Variants in RAB6B observed in about 807,000 individuals in gnomAD.
RAB6B encodes the protein RAB6B, member RAS oncogene family, also known as ras-related protein Rab-6B.
RAB6B carries 7 observed loss-of-function variants against 31.2 expected under a neutral mutation model. The observed-to-expected ratio is 0.22, with a 90% confidence interval of 0.13 to 0.42. The LOEUF is 0.42. Among genes scored for constraint, RAB6B ranks in the 10% least tolerant of loss-of-function variants. The pLI, the probability that RAB6B is intolerant of heterozygous loss-of-function variation, is 1.00. For missense variants in RAB6B, 149 were observed against 280.6 expected (o/e 0.53, Z 3.35); for synonymous variants, 105 against 104.9 (o/e 1.00, Z -0.01).
At chr3:133,846,672 C>A (rs1026287284) in intron 2 of RAB6B, among the ~76,000 whole-genome samples, 2 of 152,034 alleles carry the variant, frequency 1.3e-5, no homozygotes, top group African/African-American at 2.4e-5. Context: ...AGAGAGAAAA[C>A]CGTAATAGCA....
intron 1 of RAB6B, among the ~76,000 whole-genome samples, chr3:133,889,398 A>T (rs1461025003): frequency 0.04 from 629 of 15,796 alleles, 26 homozygotes; most frequent in Non-Finnish European, 0.065. Flanking sequence ...TTATATATAT[A>T]TATATATATA....
intron 1 of RAB6B, among the ~76,000 whole-genome samples, chr3:133,879,174 T>G (rs1007293036): frequency 2.0e-5 from 3 of 152,202 alleles, no homozygotes; most frequent in Non-Finnish European, 2.9e-5. Flanking sequence ...ATTCAGGGAA[T>G]CTGGGTGAAA....
Position 133,881,152 on chromosome 3 carries a change from G to A in RAB6B, c.70+14245C>T, listed in dbSNP as rs1426873426. Among the ~76,000 whole-genome samples, 3 of 152,214 alleles carry A rather than the reference G, an allele frequency of 2.0e-5. No homozygotes were observed. In the East Asian group the frequency reaches 5.8e-4, roughly 29 times the overall value. ...ACTGGACTTGGATGCTTGGGCACCA[G>A]GGCAAGGAGATGGTGGCCAGGCTCA... is the stretch of plus-strand genomic sequence containing the variant. On this transcript the variant is annotated intron_variant, in intron 1 of 7. Coordinates refer to ENST00000285208, the MANE Select transcript of RAB6B (RefSeq NM_016577.4).
At chr3:133,853,180 T>C (rs780956832) in intron 2 of RAB6B, among the ~76,000 whole-genome samples, 1 of 152,000 alleles carries the variant, frequency 6.6e-6, no homozygotes, top group South Asian at 2.1e-4. Context: ...ACAGGGTACA[T>C]TTCATCTCAA....
At chr3:133,859,790 G>A (rs567751620) in intron 2 of RAB6B, among the ~76,000 whole-genome samples, 2 of 152,350 alleles carry the variant, frequency 1.3e-5, no homozygotes, top group Admixed American at 1.3e-4. Context: ...AAGATCACTG[G>A]GGAGGGGCAG....
At chr3:133,868,218 C>T (rs539375322) in intron 1 of RAB6B, among the ~76,000 whole-genome samples, 2 of 152,278 alleles carry the variant, frequency 1.3e-5, no homozygotes, top group African/African-American at 2.4e-5. Flanking sequence ...AACAACTGCC[C>T]GGGGTGGAAG....
intron 1 of RAB6B, among the ~76,000 whole-genome samples, chr3:133,871,232 T>C (rs376437829): frequency 1.1e-4 from 17 of 152,316 alleles, no homozygotes; most frequent in African/African-American, 2.2e-4. Context: ...AGTGGTGAAG[T>C]GAGACCCAGA....
chr3:133,836,734 G>T (rs1935742264), intron 6 of RAB6B, among the ~76,000 whole-genome samples: 1 of 152,104 alleles, frequency 6.6e-6, no homozygotes, highest in African/African-American at 2.4e-5. Context: ...CCAGGGAGCA[G>T]GAAGGACCAT....
intron 2 of RAB6B, among the ~76,000 whole-genome samples, chr3:133,852,714 A>G (rs1032575352): frequency 6.6e-6 from 1 of 152,156 alleles, no homozygotes; most frequent in African/African-American, 2.4e-5. Flanking sequence ...CCAGGGCACA[A>G]GTGATCCTTC....
intron 2 of RAB6B, among the ~76,000 whole-genome samples, chr3:133,860,951 T>C (rs887826835): frequency 9.9e-5 from 15 of 152,202 alleles, no homozygotes; most frequent in African/African-American, 2.2e-4. Flanking sequence ...CAAAAGGTGA[T>C]GCTAACAGGC....
At chr3:133,890,402 C>T (rs1466773662) in intron 1 of RAB6B, among the ~76,000 whole-genome samples, 1 of 152,056 alleles carries the variant, frequency 6.6e-6, no homozygotes, top group Non-Finnish European at 1.5e-5. Context: ...GTCAGAAGTT[C>T]GAGACCAGCC....
intron 1 of RAB6B, among the ~76,000 whole-genome samples, chr3:133,887,752 A>G (rs1049254486): frequency 6.6e-6 from 1 of 152,088 alleles, no homozygotes; most frequent in Non-Finnish European, 1.5e-5. Context: ...AGAAGGGAGG[A>G]TGTGGCCAGG....
chr3:133,873,307 G>A (rs1412070520), intron 1 of RAB6B, among the ~76,000 whole-genome samples: 1 of 152,336 alleles, frequency 6.6e-6, no homozygotes, highest in East Asian at 1.9e-4. Context: ...GTGGTTGCTG[G>A]GGACATGACG....
At chr3:133,848,572 G>C (rs914909199) in intron 2 of RAB6B, among the ~76,000 whole-genome samples, 6 of 152,194 alleles carry the variant, frequency 3.9e-5, no homozygotes, top group Non-Finnish European at 7.4e-5. Context: ...CATGGCACTG[G>C]TGTCTGGGGA....
Position 133,881,049 on chromosome 3 carries a change from G to A in RAB6B, c.70+14348C>T, listed in dbSNP as rs375809028. Among the ~76,000 whole-genome samples the A allele has an allele frequency of 7.9e-5, 12 of 152,346 alleles. No individual in the cohort carries two copies. The South Asian group carries it at 1.0e-3, about 13-fold the overall frequency. Reference sequence around the variant, plus strand: ...CTAGCCCTTATGGACTGAGACTGCTGGTCAGGCATTAGGGTCAACAAAGGG... The same window carrying A: ...CTAGCCCTTATGGACTGAGACTGCTAGTCAGGCATTAGGGTCAACAAAGGG... On this transcript the variant is annotated intron_variant, in intron 1 of 7. Transcript: ENST00000285208.
chr3:133,849,949 C>T (rs1935955031), intron 2 of RAB6B, among the ~76,000 whole-genome samples: 1 of 152,136 alleles, frequency 6.6e-6, no homozygotes, highest in South Asian at 2.1e-4. Flanking sequence ...TCAAATAAGG[C>T]ACAAACAGTC....
At chr3:133,867,981 C>T (rs1482463150) in intron 1 of RAB6B, among the ~76,000 whole-genome samples, 1 of 152,182 alleles carries the variant, frequency 6.6e-6, no homozygotes, top group African/African-American at 2.4e-5. Context: ...ATGTGTGTTA[C>T]ACCCCTGCAG....
At chr3:133,890,576 T>TA (rs992800956) in intron 1 of RAB6B, among the ~76,000 whole-genome samples, 7 of 152,036 alleles carry the variant, frequency 4.6e-5, no homozygotes, top group Non-Finnish European at 7.4e-5. Flanking sequence ...ATATTGCTGG[T>TA]AAAAAATCTG....
chr3:133,835,401 G>T (rs763635794), intron 6 of RAB6B, among the ~76,000 whole-genome samples: 1 of 151,944 alleles, frequency 6.6e-6, no homozygotes, highest in Non-Finnish European at 1.5e-5. Flanking sequence ...GTGTGTTTGT[G>T]TAAGTGTGGG....
Sources: gnomAD v4.1 joint callset for allele counts (sites outside exome capture counted in the v4.1 genomes callset) on GRCh38, gnomAD v4.1.1 for gene constraint, MANE v1.5 for transcripts, NCBI Gene and HGNC (gene_info 2026-07-23, HGNC 2026-07-21) for gene names.